MARCHF10: variants seen among roughly 807,000 people sequenced by gnomAD.
MARCHF10 encodes probable E3 ubiquitin-protein ligase MARCHF10.
MARCHF10 carries 64 observed loss-of-function variants against 76.2 expected under a neutral mutation model. The observed-to-expected ratio is 0.84, with a 90% confidence interval of 0.69 to 1.03. MARCHF10 has a LOEUF of 1.03. MARCHF10 is among the 50% of genes least tolerant of loss of function. MARCHF10 has a pLI of 0.00. For synonymous variants in MARCHF10, 340 were observed against 357.5 expected, an observed-to-expected ratio of 0.95 and a Z score of 0.55; for missense variants, 875 against 958.0, an observed-to-expected ratio of 0.91 and a Z score of 1.14.
intron 2 of MARCHF10, among the ~76,000 whole-genome samples, chr17:62,792,831 G>GCCA (rs533806314): frequency 2.7e-5 from 1 of 36,976 alleles, no homozygotes; most frequent in African/African-American, 1.2e-4. Context: ...CACCTCCACT[G>GCCA]CCACCACCAC....
At chr17:62,732,459 T>C (rs1399428200) in intron 6 of MARCHF10, among the ~76,000 whole-genome samples, 3 of 152,226 alleles carry the variant, frequency 2.0e-5, no homozygotes, top group Admixed American at 1.3e-4. Flanking sequence ...GAGAGGTGGC[T>C]GTGCAGATCA....
chr17:62,750,807 G>C (rs1466902691), intron 4 of MARCHF10, among the ~76,000 whole-genome samples: 2 of 152,142 alleles, frequency 1.3e-5, no homozygotes, highest in East Asian at 3.9e-4. Flanking sequence ...GTAAGATCCC[G>C]GAGAATGTCC....
rs2147811114 is a variant in MARCHF10 at position 62,736,916 on chromosome 17, T to G, written c.952A>C (p.Arg318=). 1.9e-6 allele frequency: 3 copies of G among 1,614,148 alleles called. No homozygotes were observed. The highest frequency in any genetic ancestry group is 2.2e-5 in the East Asian group (1 of 44,880). The change falls in exon 6 of 11, where the codon AGA becomes CGA. Residue 318 remains arginine, a synonymous_variant. Transcript: ENST00000311269. The part of the protein sequence containing the change: ...PCSPSHHKRS[R]FGGTSTPQAK... ...TGAGGGGTCGATGTCCCCCCAAATC[T>G]ACTTCTTTTGTGATGGGAAGGAGAA...
At chr17:62,770,628 C>G (rs1027785857) in intron 3 of MARCHF10, among the ~76,000 whole-genome samples, 6 of 150,890 alleles carry the variant, frequency 4.0e-5, no homozygotes, top group African/African-American at 1.5e-4. Context: ...GAAACCTCGG[C>G]CTGCTGGATT....
chr17:62,737,253 T>C lies in MARCHF10; in HGVS notation c.615A>G (p.Pro205=), dbSNP rs752248095. The C allele has an allele frequency of 6.2e-7, 1 of 1,613,966 alleles. No homozygotes were observed. Among genetic ancestry groups the C allele is most frequent in the South Asian group, 1.1e-5 (1 of 91,032 alleles). Residue 205 remains proline, a synonymous_variant, in exon 6 of 11, where the codon CCA becomes CCG. Transcript: ENST00000311269. ...CGTTCTCAGTCATTGGCTGTGACGA[T>C]GGGACCAAGTTTCTTCTCTCTTGAT... is the stretch of plus-strand genomic sequence containing the variant. The part of the protein sequence containing the change: ...RPNQERRNLV[P]SSQPMTENAP...
At chr17:62,724,089 G>C (rs1330678458) in intron 7 of MARCHF10, among the ~76,000 whole-genome samples, 1 of 152,068 alleles carries the variant, frequency 6.6e-6, no homozygotes, top group Non-Finnish European at 1.5e-5. Flanking sequence ...GGAGAAATAG[G>C]ATCTGGCTGT....
At chr17:62,746,279 G>A (rs1230896298) in intron 4 of MARCHF10, among the ~76,000 whole-genome samples, 3 of 152,202 alleles carry the variant, frequency 2.0e-5, no homozygotes, top group African/African-American at 7.2e-5. Flanking sequence ...GAAGCTGCTG[G>A]TGGTGTCGGA....
intron 8 of MARCHF10, among the ~76,000 whole-genome samples, chr17:62,720,106 A>T (rs1364917520): frequency 1.3e-5 from 2 of 152,198 alleles, no homozygotes; most frequent in Non-Finnish European, 2.9e-5. Context: ...AGTCCTTAGC[A>T]TATTAATCAT....
intron 2 of MARCHF10, among the ~76,000 whole-genome samples, chr17:62,799,651 C>G (rs1358666074): frequency 6.6e-6 from 1 of 151,274 alleles, no homozygotes; most frequent in Non-Finnish European, 1.5e-5. Context: ...GACGCGGAGG[C>G]AGGAGAATCG....
intron 2 of MARCHF10, among the ~76,000 whole-genome samples, chr17:62,797,902 G>A (rs2093011247): frequency 8.4e-6 from 1 of 119,228 alleles, no homozygotes; most frequent in African/African-American, 2.8e-5. Flanking sequence ...AAGTGCGTGA[G>A]TTCTTAGGTA....
At chr17:62,709,013 A>G (rs2147577757) in intron 9 of MARCHF10, among the ~76,000 whole-genome samples, 1 of 152,232 alleles carries the variant, frequency 6.6e-6, no homozygotes, top group East Asian at 1.9e-4. Context: ...CTTTCCAGTT[A>G]TTTCCTGGTT....
In MARCHF10 at chr17:62,808,161, C is replaced by T. The variant is rs1369200947; in HGVS notation, c.-102G>A. ...GGCCGGTCCAGGGCGCAGGAGCCGC[C>T]CATTAATTGCGCGGGGACGGCCCTG... On this transcript the variant is annotated 5_prime_UTR_variant, in exon 1 of 11. Transcript: ENST00000311269. The T allele has an allele frequency of 1.3e-5, 2 of 152,728 alleles. No homozygotes were observed. Among genetic ancestry groups the T allele is most frequent in the African/African-American group, 4.8e-5 (2 of 41,462 alleles). 9.5% of individuals were successfully genotyped at this position (152,728 alleles called of 1,614,324 possible).
rs1183122331 is a variant in MARCHF10 at position 62,803,564 on chromosome 17, G to C, written c.-17-1812C>G. 2.6e-5 allele frequency among the ~76,000 whole-genome samples: 4 copies of C among 152,098 alleles called. No homozygotes were observed. In the South Asian group the frequency reaches 6.2e-4, roughly 24 times the overall value. The stretch of plus-strand genomic sequence containing the variant: ...AGATGGAGTCCTGCTCTGTCGCCCA[G>C]GCTGGAGTGCCGTGGGGCTATCTCG... On this transcript the variant is annotated intron_variant, in intron 1 of 10. Coordinates refer to ENST00000311269, the MANE Select transcript of MARCHF10 (RefSeq NM_152598.4).
At chr17:62,766,873 C>T (rs373815497) in intron 3 of MARCHF10, among the ~76,000 whole-genome samples, 1 of 152,120 alleles carries the variant, frequency 6.6e-6, no homozygotes, top group African/African-American at 2.4e-5. Flanking sequence ...ACCAGCAAAA[C>T]GGAAAACAAT....
chr17:62,800,628 A>G (rs1007268895), intron 2 of MARCHF10, among the ~76,000 whole-genome samples: 7 of 152,312 alleles, frequency 4.6e-5, no homozygotes, highest in African/African-American at 1.7e-4. Flanking sequence ...AAACCTGATA[A>G]CAGCAGTTCT....
intron 4 of MARCHF10, among the ~76,000 whole-genome samples, chr17:62,753,266 C>T (rs1324827683): frequency 1.3e-5 from 2 of 152,134 alleles, no homozygotes; most frequent in Admixed American, 1.3e-4. Context: ...ACCACTACAT[C>T]TGGCTAATTT....
intron 3 of MARCHF10, among the ~76,000 whole-genome samples, chr17:62,777,203 A>G (rs2148045608): frequency 6.6e-6 from 1 of 152,310 alleles, no homozygotes; most frequent in South Asian, 2.1e-4. Context: ...CATTCTTGCA[A>G]TCAAGGTAAG....
chr17:62,762,826 G>A (rs1208505906), intron 3 of MARCHF10, among the ~76,000 whole-genome samples: 4 of 152,192 alleles, frequency 2.6e-5, no homozygotes, highest in Admixed American at 6.6e-5. Flanking sequence ...GATTACAGGC[G>A]TAAGCCACCA....
At chr17:62,766,106 G>A (rs1481414032) in intron 3 of MARCHF10, among the ~76,000 whole-genome samples, 1 of 152,112 alleles carries the variant, frequency 6.6e-6, no homozygotes, top group African/African-American at 2.4e-5. Context: ...TGAGGCAGAA[G>A]GATTGCCCAC....
Sources: gnomAD v4.1 joint callset for allele counts (sites outside exome capture counted in the v4.1 genomes callset) on GRCh38, gnomAD v4.1.1 for gene constraint, MANE v1.5 for transcripts, NCBI Gene and HGNC (gene_info 2026-07-23, HGNC 2026-07-21) for gene names.